The following FSTL4 variants were observed in gnomAD, a reference collection of about 807,000 sequenced individuals.
FSTL4 encodes the protein follistatin-related protein 4.
In FSTL4, 28 loss-of-function variants were observed where a neutral mutation model predicts 78.2. The observed-to-expected ratio is 0.36, with a 90% confidence interval of 0.27 to 0.49. The LOEUF (loss-of-function observed/expected upper bound fraction) is 0.49. Ranked by LOEUF, FSTL4 falls within the 20% of genes least tolerant of loss-of-function variation. The probability of loss-of-function intolerance (pLI) is 0.98; values close to 1 mark genes in which losing one functional copy is unlikely to be tolerated. For synonymous variants in FSTL4, 422 were observed against 440.5 expected, an observed-to-expected ratio of 0.96 and a Z score of 0.53; for missense variants, 922 against 1,084.9, an observed-to-expected ratio of 0.85 and a Z score of 2.11.
the FSTL4 span, among the ~76,000 whole-genome samples, chr5:133,652,169 A>T: frequency 3.8e-4 from 58 of 152,224 alleles, 2 homozygotes; most frequent in East Asian, 9.1e-3. Context: ...CTAGAGGCTT[A>T]TCACTTTCAT....
chr5:133,610,606 G>C (rs149308980), intron 1 of FSTL4, among the ~76,000 whole-genome samples: 3 of 152,346 alleles, frequency 2.0e-5, no homozygotes, highest in East Asian at 1.9e-4. Context: ...TCCTGCCTGA[G>C]AGTTGCTGTG....
At chr5:133,672,414 G>A in the FSTL4 span, among the ~76,000 whole-genome samples, 35 of 152,192 alleles carry the variant, frequency 2.3e-4, no homozygotes, top group Non-Finnish European at 4.4e-4. Context: ...TGCGATTTGG[G>A]ATGATCACTG....
the FSTL4 span, among the ~76,000 whole-genome samples, chr5:133,645,353 G>A: frequency 2.0e-5 from 3 of 152,150 alleles, no homozygotes; most frequent in Admixed American, 6.6e-5. Flanking sequence ...TGAAGCAAGT[G>A]CCTCGAGTGT....
intron 7 of FSTL4, among the ~76,000 whole-genome samples, chr5:133,240,621 GTCT>G (rs770498837): frequency 8.5e-5 from 13 of 152,158 alleles, no homozygotes; most frequent in Non-Finnish European, 1.6e-4. Flanking sequence ...TGTGCGGTCA[GTCT>G]TCTTCTGACT....
the FSTL4 span, among the ~76,000 whole-genome samples, chr5:133,688,574 T>C: frequency 6.6e-6 from 1 of 152,226 alleles, no homozygotes; most frequent in African/African-American, 2.4e-5. Flanking sequence ...ACAGTCCTTG[T>C]CCTCCACTGT....
At chr5:133,321,491 T>C (rs114618403) in intron 4 of FSTL4, among the ~76,000 whole-genome samples, 10,971 of 152,264 alleles carry the variant, frequency 0.072, 557 homozygotes, top group Middle Eastern at 0.19. Flanking sequence ...TGGCAGAGGC[T>C]TGGGGACCAC....
At chr5:133,531,302 AG>A (rs1479379751) in intron 3 of FSTL4, among the ~76,000 whole-genome samples, 1 of 152,126 alleles carries the variant, frequency 6.6e-6, no homozygotes, top group African/African-American at 2.4e-5. Flanking sequence ...GAGGCATGAA[AG>A]GGGAGGAAGT....
chr5:133,218,388 C>T (rs1750983822), intron 12 of FSTL4, among the ~76,000 whole-genome samples: 2 of 152,210 alleles, frequency 1.3e-5, no homozygotes, highest in African/African-American at 4.8e-5. Flanking sequence ...GGATTCCACC[C>T]TAGCCTCCCA....
chr5:133,733,071 A>C, the FSTL4 span, among the ~76,000 whole-genome samples: 2 of 152,224 alleles, frequency 1.3e-5, no homozygotes, highest in Non-Finnish European at 2.9e-5. Context: ...ATACTTGTTG[A>C]ATTCACAAAT....
chr5:133,518,848 T>C (rs1003462924), intron 3 of FSTL4, among the ~76,000 whole-genome samples: 1 of 152,218 alleles, frequency 6.6e-6, no homozygotes, highest in Admixed American at 6.5e-5. Flanking sequence ...TTTATCCATT[T>C]TGTAATTGGG....
chr5:133,769,338 G>C, the FSTL4 span, among the ~76,000 whole-genome samples: 1 of 152,220 alleles, frequency 6.6e-6, no homozygotes, highest in African/African-American at 2.4e-5. Context: ...AGAAGTGACA[G>C]TGCTTGGTCT....
intron 1 of FSTL4, among the ~76,000 whole-genome samples, chr5:133,604,874 T>TTTCGATAA (rs749920426): frequency 2.6e-5 from 4 of 151,456 alleles, no homozygotes; most frequent in Admixed American, 2.6e-4. Context: ...ATCCAATGAT[T>TTTCGATAA]CAGAATTTCA....
intron 13 of FSTL4, chr5:133,210,734 G>A (rs10035970): frequency 0.098 from 14,947 of 152,248 alleles, 1,007 homozygotes; most frequent in South Asian, 0.15. Flanking sequence ...CAGGTGATCC[G>A]CCCACCTCAG....
the FSTL4 span, among the ~76,000 whole-genome samples, chr5:133,684,867 C>T: frequency 3.0e-3 from 455 of 152,220 alleles, 2 homozygotes; most frequent in African/African-American, 0.011. Context: ...ATGAACATCC[C>T]CAAATAATTA....
chr5:133,381,059 A>C (rs1016239673), intron 4 of FSTL4, among the ~76,000 whole-genome samples: 3 of 152,216 alleles, frequency 2.0e-5, no homozygotes, highest in African/African-American at 7.2e-5. Flanking sequence ...AATTATGGGA[A>C]CTCACACACT....
intron 6 of FSTL4, among the ~76,000 whole-genome samples, chr5:133,278,466 C>T (rs1449165337): frequency 3.3e-5 from 5 of 152,240 alleles, no homozygotes; most frequent in African/African-American, 7.2e-5. Flanking sequence ...CTGGAACTTT[C>T]TTTCCCACGT....
Position 133,312,663 on chromosome 5 carries a change from T to C in FSTL4, c.718A>G (p.Met240Val), listed in dbSNP as rs1173877683. 1.9e-6 allele frequency: 3 copies of C among 1,614,074 alleles called. No individual in the cohort carries two copies. The highest frequency in any genetic ancestry group is 1.1e-5 in the South Asian group (1 of 91,068). Residue 240 changes from methionine (M) to valine (V), a missense_variant, in exon 6 of 16, where the codon ATG becomes GTG. By Grantham distance (21) the Met-to-Val change is conservative (BLOSUM62 1). Coordinates refer to ENST00000265342, the MANE Select transcript of FSTL4 (RefSeq NM_015082.2). ...DSSLTLREFY[M>V]AFQVVQLSLA... ...CTGGGACCCAACTTACGGAAGGCCA[T>C]GTAGAACTCGCGGAGGGTCAGGGAG...
the FSTL4 span, among the ~76,000 whole-genome samples, chr5:133,708,281 T>A: frequency 1.6e-4 from 25 of 152,216 alleles, no homozygotes; most frequent in Non-Finnish European, 8.8e-5. Context: ...GGCTTGCTTG[T>A]ATTTGGCTCT....
intron 12 of FSTL4, among the ~76,000 whole-genome samples, chr5:133,217,909 A>G (rs1750967108): frequency 6.6e-6 from 1 of 152,068 alleles, no homozygotes; most frequent in South Asian, 2.1e-4. Flanking sequence ...GCTGATCTCT[A>G]TATGCTAGGG....
Sources: gnomAD v4.1 joint callset for allele counts (sites outside exome capture counted in the v4.1 genomes callset) on GRCh38, gnomAD v4.1.1 for gene constraint, MANE v1.5 for transcripts, NCBI Gene and HGNC (gene_info 2026-07-23, HGNC 2026-07-21) for gene names.